FILIP1: variants seen among roughly 807,000 people sequenced by gnomAD.
FILIP1 encodes filamin A interacting protein 1, also known as filamin-A-interacting protein 1.
In FILIP1, 61 loss-of-function variants were observed where a neutral mutation model predicts 102.1. The ratio of observed to expected loss-of-function variants is 0.60; its 90% confidence interval spans 0.49 to 0.74. The LOEUF (loss-of-function observed/expected upper bound fraction) is 0.74. Among genes scored for constraint, FILIP1 ranks in the 30% least tolerant of loss-of-function variants. The pLI, the probability that FILIP1 is intolerant of heterozygous loss-of-function variation, is 0.00. For missense variants in FILIP1, 1,314 were observed against 1,441.2 expected, an observed-to-expected ratio of 0.91 and a Z score of 1.43; for synonymous variants, 491 against 526.9, an observed-to-expected ratio of 0.93 and a Z score of 0.93.
At chr6:75,418,983 C>G (rs1165498922) in intron 1 of FILIP1, among the ~76,000 whole-genome samples, 3 of 152,104 alleles carry the variant, frequency 2.0e-5, no homozygotes, top group Non-Finnish European at 2.9e-5. Flanking sequence ...TCCTTTTCAT[C>G]TGCGTCCCCC....
chr6:75,426,760 A>G (rs536972792), intron 1 of FILIP1, among the ~76,000 whole-genome samples: 2 of 151,728 alleles, frequency 1.3e-5, no homozygotes, highest in East Asian at 3.9e-4. Context: ...CCAAGCTGAG[A>G]GACGACAACA....
intron 1 of FILIP1, among the ~76,000 whole-genome samples, chr6:75,434,368 G>A (rs1021082032): frequency 3.3e-5 from 5 of 152,162 alleles, no homozygotes; most frequent in African/African-American, 1.2e-4. Context: ...ATTTCGTTGA[G>A]CACTGGTTTG....
At position 75,314,953 on chromosome 6, in the gene FILIP1, T is replaced by C. The variant is rs1220926506; in HGVS notation, c.879A>G (p.Arg293=). 6.2e-7 allele frequency: 1 copy of C among 1,614,174 alleles called. No homozygotes were observed. The highest frequency in any genetic ancestry group is 1.7e-5 in the Admixed American group (1 of 60,028). Residue 293 remains arginine (R), a synonymous_variant, in exon 5 of 6, where the codon AGA becomes AGG. Coordinates refer to ENST00000237172, the MANE Select transcript of FILIP1 (RefSeq NM_015687.5). ...KAITSKSKED[R]QKLLKLEVDF... ...CCACTTCTAACTTGAGCAATTTCTG[T>C]CTGTCTTCTTTGGATTTGGAAGTAA...
chr6:75,451,196 G>A (rs542057005), intron 1 of FILIP1, among the ~76,000 whole-genome samples: 2 of 149,292 alleles, frequency 1.3e-5, no homozygotes, highest in East Asian at 3.9e-4. Flanking sequence ...AAATTCAGAG[G>A]CAAATTATAA....
At chr6:75,372,634 AAAGAAAGAAAG>A (rs1775566545) in intron 2 of FILIP1, among the ~76,000 whole-genome samples, 2 of 57,490 alleles carry the variant, frequency 3.5e-5, no homozygotes, top group African/African-American at 1.9e-4. Flanking sequence ...AGAAAGAAAG[AAAGAAAGAAAG>A]AAAGAAAGAA....
chr6:75,360,997 T>C (rs1197381327), intron 3 of FILIP1: 4 of 152,248 alleles, frequency 2.6e-5, no homozygotes, highest in Non-Finnish European at 5.9e-5. Flanking sequence ...TTTCTCCTTC[T>C]ATCATTCTAT....
At chr6:75,474,114 T>G (rs1779408561) in intron 1 of FILIP1, among the ~76,000 whole-genome samples, 1 of 152,194 alleles carries the variant, frequency 6.6e-6, no homozygotes, top group Admixed American at 6.5e-5. Context: ...TATCTCCAAA[T>G]GGAAATGGTT....
chr6:75,347,052 G>A lies in FILIP1; in HGVS notation c.629+6487C>T, dbSNP rs9443167. Among the ~76,000 whole-genome samples the A allele has an allele frequency of 7.6e-3, 1,155 of 152,266 alleles. 20 individuals are homozygous for A. The highest frequency in any genetic ancestry group is 0.026 in the African/African-American group (1,081 of 41,552). On this transcript the variant is annotated intron_variant, in intron 4 of 5. Transcript: ENST00000237172. ...GAACCTTAAACAGGCAACAGAATAG[G>A]TATGCAGTTCAAGCCACTGGTCAAC...
intron 2 of FILIP1, among the ~76,000 whole-genome samples, chr6:75,403,402 C>T (rs142913837): frequency 3.2e-3 from 480 of 150,956 alleles, no homozygotes; most frequent in Middle Eastern, 0.017. Flanking sequence ...ACAGTCCCAG[C>T]TACATAAGGG....
In FILIP1 at chr6:75,308,549, C is replaced by T. The variant is rs1773060003; in HGVS notation, c.*142G>A. 6.8e-7 allele frequency: 1 copy of T among 1,476,332 alleles called. No individual in the cohort carries two copies. The highest frequency in any genetic ancestry group is 1.4e-5 in the African/African-American group (1 of 70,296). The allele number at this position is 1,476,332 out of a possible 1,614,324, so 91.5% of individuals were successfully genotyped here. The stretch of plus-strand genomic sequence containing the variant: ...AAACAAATGCACAAAATGGGAAAGA[C>T]AAATGGTTATTAGTTGGTTATTTTA... On this transcript the variant is annotated 3_prime_UTR_variant, in exon 6 of 6. Coordinates refer to ENST00000237172, the MANE Select transcript of FILIP1 (RefSeq NM_015687.5).
At chr6:75,319,308 C>T (rs1220074064) in intron 4 of FILIP1, 3 of 656,518 alleles carry the variant, frequency 4.6e-6, no homozygotes, top group Non-Finnish European at 8.7e-6. Context: ...AATGGGCAGG[C>T]CAGGATGTTC....
chr6:75,339,567 T>G (rs113973398), intron 4 of FILIP1, among the ~76,000 whole-genome samples: 3 of 152,204 alleles, frequency 2.0e-5, no homozygotes, highest in Admixed American at 6.5e-5. Flanking sequence ...GCAATTTGTT[T>G]TATGCAGCTG....
At chr6:75,334,382 C>T (rs1269040996) in intron 4 of FILIP1, among the ~76,000 whole-genome samples, 2 of 152,146 alleles carry the variant, frequency 1.3e-5, no homozygotes, top group African/African-American at 4.8e-5. Flanking sequence ...AGGAAAGTCA[C>T]AATGAGCTGG....
At chr6:75,474,738 C>T (rs1329751434) in intron 1 of FILIP1, among the ~76,000 whole-genome samples, 1 of 152,038 alleles carries the variant, frequency 6.6e-6, no homozygotes, top group Non-Finnish European at 1.5e-5. Context: ...AGCTGTGTCC[C>T]CACTCGAATC....
chr6:75,379,939 T>C (rs979678416), intron 2 of FILIP1, among the ~76,000 whole-genome samples: 1 of 152,234 alleles, frequency 6.6e-6, no homozygotes, highest in African/African-American at 2.4e-5. Flanking sequence ...CTTTGTTTCT[T>C]GTCTGTCTCC....
chr6:75,480,314 C>A (rs562728530), intron 1 of FILIP1, among the ~76,000 whole-genome samples: 17 of 61,740 alleles, frequency 2.8e-4, no homozygotes, highest in African/African-American at 9.3e-4. Context: ...ATATACTTCT[C>A]TGAACCTTCC....
chr6:75,423,108 C>A (rs564157962), intron 1 of FILIP1, among the ~76,000 whole-genome samples: 1 of 152,096 alleles, frequency 6.6e-6, no homozygotes, highest in Non-Finnish European at 1.5e-5. Flanking sequence ...TTGACAATGA[C>A]CAATTGAGAG....
intron 2 of FILIP1, among the ~76,000 whole-genome samples, chr6:75,400,882 G>A (rs1395513226): frequency 5.3e-5 from 8 of 152,118 alleles, no homozygotes; most frequent in Non-Finnish European, 8.8e-5. Flanking sequence ...GAAAGAAGTT[G>A]AGAAGATCTC....
At chr6:75,416,200 G>A (rs1777263946) in intron 1 of FILIP1, among the ~76,000 whole-genome samples, 1 of 151,976 alleles carries the variant, frequency 6.6e-6, no homozygotes, top group Non-Finnish European at 1.5e-5. Flanking sequence ...AAAAACATTA[G>A]GTTTGTAACA....
Sources: gnomAD v4.1 joint callset for allele counts (sites outside exome capture counted in the v4.1 genomes callset) on GRCh38, gnomAD v4.1.1 for gene constraint, MANE v1.5 for transcripts, NCBI Gene and HGNC (gene_info 2026-07-23, HGNC 2026-07-21) for gene names.